The following TAGLN3 variants were observed in gnomAD, a reference collection of about 807,000 sequenced individuals.
TAGLN3 encodes transgelin 3.
Under a neutral mutation model 25.4 loss-of-function variants are expected in TAGLN3, and 12 were observed. That is an observed-to-expected ratio of 0.47 (90% CI 0.30 to 0.77). TAGLN3 has a LOEUF of 0.77. TAGLN3 is among the 30% of genes least tolerant of loss of function. TAGLN3 has a pLI of 0.06. For synonymous variants in TAGLN3, 96 were observed against 94.8 expected, an observed-to-expected ratio of 1.01 and a Z score of -0.08; for missense variants, 218 against 255.8, an observed-to-expected ratio of 0.85 and a Z score of 1.01.
intron 2 of TAGLN3, among the ~76,000 whole-genome samples, chr3:111,999,832 T>C (rs1374081798): frequency 4.6e-5 from 7 of 152,232 alleles, no homozygotes; most frequent in Non-Finnish European, 1.0e-4. Context: ...ATCTCCCTTC[T>C]GAGTTGGCAA....
intron 3 of TAGLN3, among the ~76,000 whole-genome samples, chr3:112,001,779 C>A (rs1181812943): frequency 6.6e-6 from 1 of 152,170 alleles, no homozygotes; most frequent in African/African-American, 2.4e-5. Context: ...GTGGCCCAAC[C>A]AACAGGATCC....
chr3:112,004,107 C>G (rs780069655), intron 3 of TAGLN3, among the ~76,000 whole-genome samples: 12 of 152,130 alleles, frequency 7.9e-5, no homozygotes, highest in Non-Finnish European at 1.6e-4. Flanking sequence ...ACTGAAGTCC[C>G]CCTAGCAGGG....
chr3:112,000,048 GT>G (rs1321451684), intron 2 of TAGLN3, among the ~76,000 whole-genome samples: 3 of 152,134 alleles, frequency 2.0e-5, no homozygotes, highest in Non-Finnish European at 4.4e-5. Flanking sequence ...AGTGTTCAGT[GT>G]CTGTTTATTG....
At chr3:112,012,805 T>G (rs925910061) in intron 4 of TAGLN3, among the ~76,000 whole-genome samples, 1 of 152,118 alleles carries the variant, frequency 6.6e-6, no homozygotes, top group African/African-American at 2.4e-5. Flanking sequence ...AGACCTCTAA[T>G]CTAGAGTGCG....
In TAGLN3 at chr3:112,011,813, G is replaced by A; in HGVS notation, c.406G>A (p.Ala136Thr). The change falls in exon 4 of 5, where the codon GCA becomes ACA. Residue 136 changes from alanine (A) to threonine (T), a missense_variant. By Grantham distance (58) the Ala-to-Thr change is moderately conservative. Transcript: ENST00000478951. ...GACCCTGATGGCTTTAGGCAGCGTT[G>A]CAGTCACCAAGGATGATGGCTGCTA... is the stretch of plus-strand genomic sequence containing the variant. ...QRTLMALGSV[A>T]VTKDDGCYRG... The A allele has an allele frequency of 6.2e-7, 1 of 1,613,908 alleles. No individual in the cohort carries two copies.
At chr3:112,011,236 C>T (rs1014785245) in intron 3 of TAGLN3, among the ~76,000 whole-genome samples, 5 of 152,208 alleles carry the variant, frequency 3.3e-5, no homozygotes, top group African/African-American at 1.2e-4. Flanking sequence ...CACTGGGCTG[C>T]TTAGGTAACA....
At chr3:112,011,515 A>G (rs887636695) in intron 3 of TAGLN3, among the ~76,000 whole-genome samples, 1 of 152,258 alleles carries the variant, frequency 6.6e-6, no homozygotes, top group Non-Finnish European at 1.5e-5. Flanking sequence ...TGAACGGATT[A>G]GAAACTTGGT....
intron 2 of TAGLN3, among the ~76,000 whole-genome samples, 195 bp downstream of exon 2, chr3:111,999,797 G>T (rs1173396330): frequency 6.6e-6 from 1 of 152,200 alleles, no homozygotes; most frequent in Non-Finnish European, 1.5e-5. Flanking sequence ...CTAGCTTGGG[G>T]GTTCTCCACT....
At chr3:112,001,593 G>A (rs953750295) in intron 3 of TAGLN3, among the ~76,000 whole-genome samples, 4 of 152,214 alleles carry the variant, frequency 2.6e-5, no homozygotes, top group Non-Finnish European at 5.9e-5. Flanking sequence ...GAGAATTTGG[G>A]ACCTATGGTC....
At chr3:111,999,222 C>T (rs1003895468) in intron 1 of TAGLN3, 108 bp downstream of exon 1, 3 of 559,194 alleles carry the variant, frequency 5.4e-6, no homozygotes, top group Admixed American at 3.2e-5. Flanking sequence ...TGGCGGGTAG[C>T]TGTGCTTTTC....
chr3:112,011,684 C>A, intron 3 of TAGLN3, 79 bp from the exon 4 acceptor site: 1 of 1,359,734 alleles, frequency 7.4e-7, no homozygotes, highest in Admixed American at 2.1e-5. Context: ...GAACTTCCCT[C>A]CTGGGTGTCC....
At chr3:112,007,575 C>G (rs925511894) in intron 3 of TAGLN3, among the ~76,000 whole-genome samples, 1 of 152,158 alleles carries the variant, frequency 6.6e-6, no homozygotes, top group Non-Finnish European at 1.5e-5. Flanking sequence ...CCAGAAAATT[C>G]CCGACACTTA....
chr3:112,009,444 A>G (rs2072952451), intron 3 of TAGLN3, among the ~76,000 whole-genome samples: 1 of 152,174 alleles, frequency 6.6e-6, no homozygotes, highest in South Asian at 2.1e-4. Context: ...AACAGTCATC[A>G]TGACCCTTTC....
intron 3 of TAGLN3, among the ~76,000 whole-genome samples, 186 bp from the exon 4 acceptor site, chr3:112,011,577 C>T (rs1051132746): frequency 2.6e-5 from 4 of 152,108 alleles, no homozygotes; most frequent in Admixed American, 6.5e-5. Context: ...CTTTTTGTTC[C>T]TTTCTGAGAA....
chr3:111,999,498 CT>C lies in TAGLN3; in HGVS notation c.77del (p.Leu26ArgfsTer17). ...EKIEQKYDADLENKLVDWIIL... is the reference protein window; with the variant it reads ...EKIEQKYDADXENKLVDWIIL... ...GATCGAGCAGAAGTATGATGCGGAC[CT>C]GGAGAACAAGCTGGTGGACTGGATC... On this transcript the variant is annotated frameshift_variant, in exon 2 of 5. Coordinates refer to ENST00000478951, the MANE Select transcript of TAGLN3 (RefSeq NM_001008272.2). LOFTEE classifies it high-confidence loss of function. The C allele has an allele frequency of 6.2e-7, 1 of 1,614,230 alleles. No homozygotes were observed. Among genetic ancestry groups the C allele is most frequent in the Non-Finnish European group, 8.5e-7 (1 of 1,180,036 alleles).
At chr3:112,012,483 T>C (rs2072989786) in intron 4 of TAGLN3, among the ~76,000 whole-genome samples, 1 of 152,108 alleles carries the variant, frequency 6.6e-6, no homozygotes, top group Admixed American at 6.6e-5. Flanking sequence ...GGGTCTTTTT[T>C]TAAAATGATT....
At chr3:112,003,383 G>A (rs527874531) in intron 3 of TAGLN3, among the ~76,000 whole-genome samples, 54 of 152,282 alleles carry the variant, frequency 3.5e-4, no homozygotes, top group Non-Finnish European at 7.1e-4. Context: ...GGGAGGGGAA[G>A]GCTGACAGTA....
intron 3 of TAGLN3, among the ~76,000 whole-genome samples, chr3:112,001,336 G>A (rs62277657): frequency 0.21 from 31,283 of 152,162 alleles, 3,323 homozygotes; most frequent in Middle Eastern, 0.25. Context: ...AAAGCCATCT[G>A]GGGCTATTTT....
chr3:112,006,739 C>T (rs1035021978), intron 3 of TAGLN3, among the ~76,000 whole-genome samples: 12 of 152,092 alleles, frequency 7.9e-5, no homozygotes, highest in African/African-American at 2.4e-4. Context: ...TTTTTCTTTG[C>T]CTTTATCCTT....
Sources: allele counts gnomAD v4.1 joint callset (sites outside exome capture counted in the v4.1 genomes callset), GRCh38; gene constraint gnomAD v4.1.1; transcripts MANE v1.5; gene names NCBI Gene and HGNC (gene_info 2026-07-23, HGNC 2026-07-21).